LMNA: variants seen among roughly 807,000 people sequenced by gnomAD.
LMNA encodes lamin A/C.
Under a neutral mutation model 70.4 loss-of-function variants are expected in LMNA, and 20 were observed. The ratio of observed to expected loss-of-function variants is 0.28; its 90% CI spans 0.20 to 0.41. The LOEUF is 0.41. LMNA is among the 10% of genes least tolerant of loss of function. LMNA has a pLI of 1.00. For missense variants in LMNA, 652 were observed against 917.2 expected (o/e 0.71, Z 3.73); for synonymous variants, 339 against 372.8 (o/e 0.91, Z 1.04).
intron 2 of LMNA, chr1:156,090,357 C>T (rs1315744858): frequency 6.6e-6 from 1 of 152,144 alleles, no homozygotes; most frequent in East Asian, 1.9e-4. Context: ...GCTTTCTGAT[C>T]TGTCATGCTT....
intron 2 of LMNA, among the ~76,000 whole-genome samples, chr1:156,090,059 G>T (rs1360540957): frequency 1.3e-5 from 2 of 152,190 alleles, no homozygotes; most frequent in African/African-American, 4.8e-5. Context: ...GGGGCAGGGA[G>T]GGGGAGGCAG....
Position 156,137,730 on chromosome 1 carries a change from T to A in LMNA, c.1685T>A (p.Leu562His), listed in dbSNP as rs1057156731. The A allele has an allele frequency of 1.3e-6, 2 of 1,551,160 alleles. No individual in the cohort carries two copies. Among genetic ancestry groups the A allele is most frequent in the Admixed American group, 2.0e-5 (1 of 51,036 alleles). Residue 562 changes from leucine to histidine, a missense_variant, in exon 10 of 12, where the codon CTC becomes CAC. Around this residue, in one of 4 missense-constraint regions of LMNA, gnomAD observed 327 missense variants for 387.6 expected, o/e 0.84. Transcript: ENST00000368300. This position sits in a 1 kb window ranked among gnomAD's most constrained non-coding sequence, Gnocchi z 4.6. ...DDEDEDGDDL[L>H]HHHHGSHCSS... is the part of the protein sequence containing the mutation. ...GAGGATGAGGATGGAGATGACCTGC[T>A]CCATCACCACCACGTGAGTGGTAGC...
In LMNA at chr1:156,139,395, T is replaced by G; in HGVS notation, c.*289T>G. The G allele has an allele frequency of 1.5e-6, 2 of 1,373,544 alleles. No homozygotes were observed. Among genetic ancestry groups the G allele is most frequent in the Non-Finnish European group, 1.9e-6 (2 of 1,066,500 alleles). 85.1% of individuals were successfully genotyped at this position (1,373,544 alleles called of 1,614,324 possible). A position where few individuals can be genotyped will look rare whatever the true frequency, so the allele number is the denominator to read the frequency against. ...CTTCCAGGAAACTCCACATCTGCCTTAAAACCAAAGAGGGCTTCCTCTAGA... is the reference window on the plus strand; with the variant it reads ...CTTCCAGGAAACTCCACATCTGCCTGAAAACCAAAGAGGGCTTCCTCTAGA... On this transcript the variant is annotated 3_prime_UTR_variant, in exon 12 of 12. Coordinates refer to ENST00000368300, the MANE Select transcript of LMNA (RefSeq NM_170707.4).
At chr1:156,086,077 T>A (rs1473389533) in intron 2 of LMNA, among the ~76,000 whole-genome samples, 2 of 152,126 alleles carry the variant, frequency 1.3e-5, no homozygotes, top group Non-Finnish European at 2.9e-5. Context: ...TAAGCCAAGG[T>A]CCTAACACAG....
chr1:156,101,370 T>C (rs1473437746), intron 3 of LMNA, among the ~76,000 whole-genome samples: 1 of 152,180 alleles, frequency 6.6e-6, no homozygotes, highest in East Asian at 1.9e-4. Flanking sequence ...TGCATGAACC[T>C]GGTCCCAGCT....
At chr1:156,085,930 C>T (rs1276712159) in intron 2 of LMNA, among the ~76,000 whole-genome samples, 2 of 152,218 alleles carry the variant, frequency 1.3e-5, no homozygotes, top group Non-Finnish European at 2.9e-5. Flanking sequence ...GTGGTGCACA[C>T]CTGTAATCGC....
rs201583907 is a variant in LMNA, at chr1:156,137,191, G to C, written c.1567G>C (p.Gly523Arg). ...VWKAQNTWGC[G>R]NSLRTALINS... is the part of the protein sequence containing the mutation. ...GAAGGCACAGAACACCTGGGGCTGC[G>C]GGAACAGCCTGCGTACGGCTCTCAT... The change falls in exon 9 of 12, where the codon GGG becomes CGG. Residue 523 changes from glycine to arginine, a missense_variant. Coordinates refer to ENST00000368300, the MANE Select transcript of LMNA (RefSeq NM_170707.4). This position sits in a 1 kb window ranked among gnomAD's most constrained non-coding sequence, Gnocchi z 4.6. 1 of 1,606,940 alleles carries C rather than the reference G, an allele frequency of 6.2e-7. No individual in the cohort carries two copies. The highest frequency in any genetic ancestry group is 8.5e-7 in the Non-Finnish European group (1 of 1,177,316).
Position 156,137,256 on chromosome 1 carries a change from C to T in LMNA, c.1608+24C>T. On this transcript the variant is annotated intron_variant, in intron 9 of 11. Transcript: ENST00000368300. The surrounding 1 kb of genome is among the most constrained non-coding windows in gnomAD (Gnocchi z 4.6). ...AAGTAAGTAGGCCTGGGCCTGGCTG[C>T]TTGCTGGACGAGGCTCCCCCTGATG... The T allele has an allele frequency of 6.4e-7, 1 of 1,552,594 alleles. No homozygotes were observed. Among genetic ancestry groups the T allele is most frequent in the Non-Finnish European group, 8.7e-7 (1 of 1,153,410 alleles).
exon 2 of LMNA, chr1:156,082,974 G>T (rs1424543282): frequency 6.6e-6 from 1 of 152,316 alleles, no homozygotes; most frequent in Non-Finnish European, 1.5e-5. Context: ...CGGCCGCGGG[G>T]AGAGGTTCTC....
rs757479352 is a variant in LMNA at position 156,137,073 on chromosome 1, G to A, written c.1489-40G>A. ...GGACTCTGGGGAGGCCTTGGGTGGC[G>A]ATGGGAGCGCTGGGGTAAGTGTCCT... On this transcript the variant is annotated intron_variant, in intron 8 of 11. Transcript: ENST00000368300. This position sits in a 1 kb window ranked among gnomAD's most constrained non-coding sequence, Gnocchi z 4.6. 4 of 1,614,118 alleles carry A rather than the reference G, an allele frequency of 2.5e-6. No homozygotes were observed. The highest frequency in any genetic ancestry group is 4.5e-5 in the East Asian group (2 of 44,884).
rs1194693613 is a variant in LMNA, at chr1:156,134,033, T to C, written c.514-370T>C. On this transcript the variant is annotated intron_variant, in intron 2 of 11. Coordinates refer to ENST00000368300, the MANE Select transcript of LMNA (RefSeq NM_170707.4). This position sits in a 1 kb window ranked among gnomAD's most constrained non-coding sequence, Gnocchi z 5.3. ...GCTGGGGGGCATATATCTTTTCTTT[T>C]TGAGACAGAGTCTAGCTGTGTCACC... 8.2e-6 allele frequency among the ~76,000 whole-genome samples: 1 copy of C among 122,398 alleles called. No homozygotes were observed. Among genetic ancestry groups the C allele is most frequent in the Non-Finnish European group, 1.6e-5 (1 of 61,656 alleles). The allele number at this position is 122,398 out of a possible 152,430, so 80.3% of individuals were successfully genotyped here.
chr1:156,122,682 A>G (rs1572341684), intron 1 of LMNA, among the ~76,000 whole-genome samples: 1 of 152,208 alleles, frequency 6.6e-6, no homozygotes, highest in South Asian at 2.1e-4. Context: ...AATGGCTCCC[A>G]TTGACCCGGG....
rs910581632 is a variant in LMNA, at chr1:156,115,296, C to T, written c.356+22C>T. The T allele has an allele frequency of 1.1e-5, 18 of 1,583,002 alleles. No individual in the cohort carries two copies. The highest frequency in any genetic ancestry group is 1.4e-5 in the Non-Finnish European group (16 of 1,169,448). ...CGCGGTGAGTTCGCCCAGGTGGCTG[C>T]GTGCCTGGCGGGGAGTGGAGAGGGC... On this transcript the variant is annotated intron_variant, in intron 1 of 11. Transcript: ENST00000368300. The surrounding 1 kb of genome is among the most constrained non-coding windows in gnomAD (Gnocchi z 5.8).
At chr1:156,096,835 C>T (rs1400465582) in intron 3 of LMNA, among the ~76,000 whole-genome samples, 6 of 152,254 alleles carry the variant, frequency 3.9e-5, no homozygotes, top group African/African-American at 1.2e-4. Context: ...ACCTCCCTTG[C>T]GCTTGCTCAT....
chr1:156,134,583 G>A lies in LMNA; in HGVS notation c.639+55G>A. Reference sequence around the variant, plus strand: ...CTGGGGCTGGGTGATGACAGACTTGGGCTGGGCTAGGGGGGACCAGCTGTG... The same window carrying A: ...CTGGGGCTGGGTGATGACAGACTTGAGCTGGGCTAGGGGGGACCAGCTGTG... On this transcript the variant is annotated intron_variant, in intron 3 of 11. Coordinates refer to ENST00000368300, the MANE Select transcript of LMNA (RefSeq NM_170707.4). The surrounding 1 kb of genome is among the most constrained non-coding windows in gnomAD (Gnocchi z 5.3). 6.2e-7 allele frequency: 1 copy of A among 1,611,058 alleles called. No homozygotes were observed. The highest frequency in any genetic ancestry group is 1.1e-5 in the South Asian group (1 of 90,696).
intron 1 of LMNA, among the ~76,000 whole-genome samples, chr1:156,120,906 C>T (rs953026885): frequency 3.9e-5 from 6 of 151,956 alleles, no homozygotes; most frequent in Admixed American, 1.3e-4. Context: ...ATTGTCCACC[C>T]GGATTGAAAG....
At chr1:156,094,336 G>C (rs1417275481) in intron 3 of LMNA, among the ~76,000 whole-genome samples, 1 of 152,146 alleles carries the variant, frequency 6.6e-6, no homozygotes, top group East Asian at 1.9e-4. Flanking sequence ...CTGAAGTGGA[G>C]GAGTCATGTC....
chr1:156,139,170 C>T lies in LMNA; in HGVS notation c.*64C>T, dbSNP rs1016920853. ...CTGCGTCCTCCTCACCTCATGCCCACCCCCTGCCCTGCACGTCATGGGAGG... is the reference window on the plus strand; with the variant it reads ...CTGCGTCCTCCTCACCTCATGCCCATCCCCTGCCCTGCACGTCATGGGAGG... On this transcript the variant is annotated 3_prime_UTR_variant, in exon 12 of 12. Coordinates refer to ENST00000368300, the MANE Select transcript of LMNA (RefSeq NM_170707.4). The T allele has an allele frequency of 3.1e-6, 5 of 1,611,720 alleles. No individual in the cohort carries two copies. The highest frequency in any genetic ancestry group is 1.3e-5 in the African/African-American group (1 of 74,870).
At chr1:156,093,550 C>T (rs565847511) in intron 3 of LMNA, among the ~76,000 whole-genome samples, 1 of 152,228 alleles carries the variant, frequency 6.6e-6, no homozygotes, top group South Asian at 2.1e-4. Flanking sequence ...AAGTGATCTG[C>T]CCGCCTTGGC....
Sources: gnomAD v4.1 joint callset for allele counts (sites outside exome capture counted in the v4.1 genomes callset) on GRCh38, gnomAD v4.1.1 for gene constraint, gnomAD v4.1.1 regional missense constraint, Gnocchi (gnomAD v3.1) non-coding constraint, MANE v1.5 for transcripts, NCBI Gene and HGNC (gene_info 2026-07-23, HGNC 2026-07-21) for gene names.